The following RBFOX1 variants were observed in gnomAD, a reference collection of about 807,000 sequenced individuals.
RBFOX1 encodes the protein RNA binding protein fox-1 homolog 1.
RBFOX1 carries 8 observed loss-of-function variants against 57.7 expected under a neutral mutation model. The ratio of observed to expected loss-of-function variants is 0.14; its 90% CI spans 0.08 to 0.25. RBFOX1 has a LOEUF of 0.25. Ranked by LOEUF, RBFOX1 falls within the 10% of genes least tolerant of loss-of-function variation. The probability of loss-of-function intolerance (pLI) is 1.00; values close to 1 mark genes in which losing one functional copy is unlikely to be tolerated. For synonymous variants in RBFOX1, 326 were observed against 222.4 expected (o/e 1.47, Z -4.15); for missense variants, 611 against 548.5 (o/e 1.11, Z -1.14).
intron 1 of RBFOX1, among the ~76,000 whole-genome samples, chr16:6,089,801 G>A (rs1665081847): frequency 6.6e-6 from 1 of 152,156 alleles, no homozygotes; most frequent in Non-Finnish European, 1.5e-5. Flanking sequence ...TGACCACTGA[G>A]TAGTTCCTAA....
At chr16:6,728,819 G>A (rs2067848473) in intron 3 of RBFOX1, among the ~76,000 whole-genome samples, 1 of 152,146 alleles carries the variant, frequency 6.6e-6, no homozygotes, top group Admixed American at 6.5e-5. Context: ...TGCATAATTG[G>A]AATAGTTGAT....
chr16:6,771,056 T>C (rs1489090114), intron 3 of RBFOX1, among the ~76,000 whole-genome samples: 1 of 152,074 alleles, frequency 6.6e-6, no homozygotes, highest in Non-Finnish European at 1.5e-5. Context: ...CATGAGGTTA[T>C]TAGGTTGGGC....
chr16:6,924,977 G>A (rs2075273576), intron 3 of RBFOX1, among the ~76,000 whole-genome samples: 1 of 151,116 alleles, frequency 6.6e-6, no homozygotes, highest in Non-Finnish European at 1.5e-5. Context: ...TGAGAATGAT[G>A]GTTTCCAGTT....
chr16:7,379,021 T>A (rs1454024609), intron 4 of RBFOX1, among the ~76,000 whole-genome samples: 2 of 152,254 alleles, frequency 1.3e-5, no homozygotes, highest in Non-Finnish European at 2.9e-5. Context: ...TAAATGCAGT[T>A]ACTTTATCTA....
chr16:5,922,874 G>A (rs2058854619), intron 4 of RBFOX1, among the ~76,000 whole-genome samples: 1 of 152,204 alleles, frequency 6.6e-6, no homozygotes, highest in African/African-American at 2.4e-5. Context: ...TGCAACCACT[G>A]GGCTTGGCAG....
At chr16:6,283,986 G>A (rs948173708) in intron 1 of RBFOX1, among the ~76,000 whole-genome samples, 6 of 152,196 alleles carry the variant, frequency 3.9e-5, no homozygotes, top group African/African-American at 1.4e-4. Flanking sequence ...CCTTTTTCGT[G>A]TTGATCTTAG....
intron 1 of RBFOX1, among the ~76,000 whole-genome samples, chr16:6,069,062 A>G (rs909431512): frequency 2.0e-5 from 3 of 152,108 alleles, no homozygotes; most frequent in Admixed American, 6.6e-5. Context: ...GAGAAGGAAG[A>G]AAGGAAGCAG....
At chr16:6,541,120 A>G (rs2096810636) in intron 2 of RBFOX1, among the ~76,000 whole-genome samples, 1 of 152,194 alleles carries the variant, frequency 6.6e-6, no homozygotes, top group Admixed American at 6.5e-5. Flanking sequence ...TCAGAGAGGG[A>G]AAATAACCTG....
In RBFOX1 at chr16:5,469,933, A is replaced by G. The variant is rs567195087; in HGVS notation, c.258+2679A>G. Among the ~76,000 whole-genome samples the G allele has an allele frequency of 1.2e-4, 18 of 152,258 alleles. No homozygotes were observed. In the South Asian group the frequency reaches 1.7e-3, roughly 14 times the overall value. On this transcript the variant is annotated intron_variant, in intron 2 of 2. Transcript: ENST00000585867. ...TTTGGGTTGTGTCTACCTTTTGTCTATTGCAAAGAGTGTGCCACCATAAAC... is the reference window on the plus strand; with the variant it reads ...TTTGGGTTGTGTCTACCTTTTGTCTGTTGCAAAGAGTGTGCCACCATAAAC...
intron 11 of RBFOX1, among the ~76,000 whole-genome samples, chr16:7,635,049 G>A (rs2061542800): frequency 6.6e-6 from 1 of 152,206 alleles, no homozygotes; most frequent in Admixed American, 6.5e-5. Flanking sequence ...TGGTCAGCCT[G>A]CTCCTCTTGT....
intron 12 of RBFOX1, among the ~76,000 whole-genome samples, chr16:7,660,266 T>A (rs948665261): frequency 1.3e-5 from 2 of 152,210 alleles, no homozygotes; most frequent in Non-Finnish European, 2.9e-5. Context: ...ATTATGTCCT[T>A]GCAAAAGCAC....
chr16:7,189,412 C>G (rs536876269), intron 4 of RBFOX1, among the ~76,000 whole-genome samples: 10 of 116,276 alleles, frequency 8.6e-5, no homozygotes, highest in African/African-American at 3.4e-4. Context: ...GGCGACAGAG[C>G]GAGACTCCCT....
At chr16:6,850,283 C>A (rs2093994114) in intron 3 of RBFOX1, among the ~76,000 whole-genome samples, 1 of 152,122 alleles carries the variant, frequency 6.6e-6, no homozygotes, top group Non-Finnish European at 1.5e-5. Context: ...TAAATAATTG[C>A]ATACTTACAA....
At chr16:7,345,326 C>A (rs909791929) in intron 4 of RBFOX1, among the ~76,000 whole-genome samples, 1 of 152,100 alleles carries the variant, frequency 6.6e-6, no homozygotes, top group Admixed American at 6.5e-5. Context: ...GGCCTGCTCT[C>A]GGGGAGGTTT....
chr16:6,276,241 G>C (rs1474930725), intron 1 of RBFOX1, among the ~76,000 whole-genome samples: 1 of 152,226 alleles, frequency 6.6e-6, no homozygotes, highest in Non-Finnish European at 1.5e-5. Context: ...AATCATTTTA[G>C]ATAAATATGT....
At chr16:6,488,093 C>T (rs1223419272) in intron 2 of RBFOX1, among the ~76,000 whole-genome samples, 3 of 152,122 alleles carry the variant, frequency 2.0e-5, no homozygotes, top group African/African-American at 7.2e-5. Context: ...AATCAAGGTG[C>T]ACTATTTGCC....
At chr16:5,295,624 C>T (rs1348713937) in intron 1 of RBFOX1, among the ~76,000 whole-genome samples, 2 of 152,184 alleles carry the variant, frequency 1.3e-5, no homozygotes, top group African/African-American at 2.4e-5. Context: ...GCCACGTGGG[C>T]CTCTCCATCT....
chr16:6,571,609 C>G (rs2097345602), intron 2 of RBFOX1, among the ~76,000 whole-genome samples: 1 of 152,074 alleles, frequency 6.6e-6, no homozygotes, highest in African/African-American at 2.4e-5. Context: ...TTCTAGGAAT[C>G]CTTACCTGTA....
At position 6,198,886 on chromosome 16, in the gene RBFOX1, C is replaced by T. The variant is rs1011290686; in HGVS notation, c.-126-118109C>T. Among the ~76,000 whole-genome samples the T allele has an allele frequency of 2.6e-5, 4 of 152,050 alleles. No individual in the cohort carries two copies. The South Asian group carries it at 8.3e-4, about 32-fold the overall frequency. On this transcript the variant is annotated intron_variant, in intron 1 of 15. Coordinates refer to ENST00000550418, the MANE Select transcript of RBFOX1 (RefSeq NM_018723.4). The stretch of plus-strand genomic sequence containing the variant: ...CTAGAAAAAGGAAACTAAACCTTCT[C>T]TAAACAGGTTTTTTTTTCCCTATCA...
Sources: allele counts gnomAD v4.1 joint callset (sites outside exome capture counted in the v4.1 genomes callset), GRCh38; gene constraint gnomAD v4.1.1; transcripts MANE v1.5; gene names NCBI Gene and HGNC (gene_info 2026-07-23, HGNC 2026-07-21).